ADAP1: variants seen among roughly 807,000 people sequenced by gnomAD.
ADAP1 encodes the protein ArfGAP with dual PH domains 1.
Under a neutral mutation model 54.9 loss-of-function variants are expected in ADAP1, and 31 were observed. That is an observed-to-expected ratio of 0.56 (90% confidence interval 0.42 to 0.76). The LOEUF is 0.76. ADAP1 is among the 30% of genes least tolerant of loss of function. The pLI is 0.00. For missense variants in ADAP1, 535 were observed against 512.4 expected, an observed-to-expected ratio of 1.04 and a Z score of -0.42; for synonymous variants, 313 against 202.6, an observed-to-expected ratio of 1.55 and a Z score of -4.63.
chr7:899,678 A>G (rs576378928), intron 8 of ADAP1, among the ~76,000 whole-genome samples, 188 bp from the exon 9 acceptor site: 1 of 151,476 alleles, frequency 6.6e-6, no homozygotes, highest in East Asian at 2.0e-4. Flanking sequence ...TCCACACGGC[A>G]CCTCCCTCCT....
At chr7:949,792 C>T (rs1310822680) in intron 1 of ADAP1, among the ~76,000 whole-genome samples, 4 of 127,472 alleles carry the variant, frequency 3.1e-5, no homozygotes, top group Admixed American at 1.4e-4. Context: ...CAGCCCTCCA[C>T]ACCCGGCCAC....
chr7:901,888 C>T (rs1038319066), intron 6 of ADAP1, among the ~76,000 whole-genome samples: 13 of 151,766 alleles, frequency 8.6e-5, no homozygotes, highest in African/African-American at 3.1e-4. Context: ...AGCTCCAGGT[C>T]CCCCGGAAAT....
At chr7:900,473 T>TCCCCCCCC in intron 7 of ADAP1, 60 bp downstream of exon 7, 13 of 1,486,560 alleles carry the variant, frequency 8.7e-6, no homozygotes, top group South Asian at 1.2e-5. Context: ...GAGGGCTCCG[T>TCCCCCCCC]CCACCCCCCA....
At chr7:905,279 C>CAGGGGGAG in intron 4 of ADAP1, 107 bp from the exon 5 acceptor site, 1 of 342,346 alleles carries the variant, frequency 2.9e-6, no homozygotes. Context: ...ACACGGGGGA[C>CAGGGGGAG]ACGGACGGGG....
intron 4 of ADAP1, 107 bp from the exon 5 acceptor site, chr7:905,279 CA>C: frequency 2.9e-6 from 1 of 342,348 alleles, no homozygotes; most frequent in East Asian, 6.8e-5. Context: ...ACACGGGGGA[CA>C]CGGACGGGGG....
chr7:904,275 G>A lies in ADAP1; in HGVS notation c.502-3C>T. On this transcript the variant is annotated splice_region_variant and splice_polypyrimidine_tract_variant and intron_variant, in intron 5 of 10. Transcript: ENST00000265846. ...ATCACGGCCTTGGGCTCCTTGGCCT[G>A]AGAAGGGGTGGGGTCTAAGCACCTC... 1.3e-6 allele frequency: 2 copies of A among 1,585,264 alleles called. No individual in the cohort carries two copies. The highest frequency in any genetic ancestry group is 1.7e-6 in the Non-Finnish European group (2 of 1,164,710).
At position 920,005 on chromosome 7, in the gene ADAP1, C is replaced by T. The variant is rs377128159; in HGVS notation, c.351G>A (p.Glu117=). The part of the protein sequence containing the change: ...QWIRAKYERQ[E]FIYPEKQEPY... ...GCTCCTGCTTCTCCGGGTAGATGAACTCCTGTCGCTCGTACTTGGCCCGGA... is the reference window on the plus strand; with the variant it reads ...GCTCCTGCTTCTCCGGGTAGATGAATTCCTGTCGCTCGTACTTGGCCCGGA... Residue 117 remains glutamate (E), a synonymous_variant, in exon 4 of 11, where the codon GAG becomes GAA. Coordinates refer to ENST00000265846, the MANE Select transcript of ADAP1 (RefSeq NM_006869.4). The surrounding 1 kb of genome is among the most constrained non-coding windows in gnomAD (Gnocchi z 4.5). 6.2e-7 allele frequency: 1 copy of T among 1,607,748 alleles called. No homozygotes were observed. The highest frequency in any genetic ancestry group is 1.3e-5 in the African/African-American group (1 of 74,840).
chr7:905,286 G>GGGGAGA (rs1845067418), intron 4 of ADAP1, 114 bp from the exon 5 acceptor site: 1 of 462,166 alleles, frequency 2.2e-6, no homozygotes, highest in Non-Finnish European at 3.7e-6. Flanking sequence ...GGACACGGAC[G>GGGGAGA]GGGGACACGG....
chr7:945,771 G>A lies in ADAP1; in HGVS notation c.82+8625C>T. On this transcript the variant is annotated intron_variant, in intron 1 of 10. Transcript: ENST00000265846. The surrounding 1 kb of genome is among the most constrained non-coding windows in gnomAD (Gnocchi z 4.2). ...CCCCGCTCTGCCCTACCTGCTCCCA[G>A]GACGCCCGAGGTGACTCAGCCGCTC... is the stretch of plus-strand genomic sequence containing the variant. The A allele has an allele frequency of 1.0e-6, 1 of 985,712 alleles. No individual in the cohort carries two copies. The highest frequency in any genetic ancestry group is 1.2e-6 in the Non-Finnish European group (1 of 830,068). 61.1% of individuals were successfully genotyped at this position (985,712 alleles called of 1,614,324 possible). A position where few individuals can be genotyped will look rare whatever the true frequency, so the allele number is the denominator to read the frequency against.
In ADAP1 at chr7:898,330, C is replaced by T. The variant is rs1045961934; in HGVS notation, c.*591G>A. 3.0e-5 allele frequency: 5 copies of T among 168,162 alleles called. No homozygotes were observed. Among genetic ancestry groups the T allele is most frequent in the Admixed American group, 1.1e-4 (2 of 18,148 alleles). The allele number at this position is 168,162 out of a possible 1,614,324, so 10.4% of individuals were successfully genotyped here. On this transcript the variant is annotated 3_prime_UTR_variant, in exon 11 of 11. Transcript: ENST00000265846. ...TGGTGGGACGGCAGCCTGCTGGCCCCTCCAGGTGAGGACCAGGAGCACAGG... is the reference window on the plus strand; with the variant it reads ...TGGTGGGACGGCAGCCTGCTGGCCCTTCCAGGTGAGGACCAGGAGCACAGG...
chr7:933,478 CTGG>C, intron 2 of ADAP1, among the ~76,000 whole-genome samples: 1 of 48,596 alleles, frequency 2.1e-5, no homozygotes, highest in East Asian at 6.0e-4. Context: ...GTCAGTGGTG[CTGG>C]AGAGCCGGGG....
At position 954,556 on chromosome 7, in the gene ADAP1, C is replaced by A; in HGVS notation, c.-79G>T. 1.0e-6 allele frequency: 1 copy of A among 989,472 alleles called. No individual in the cohort carries two copies. Among genetic ancestry groups the A allele is most frequent in the Non-Finnish European group, 1.2e-6 (1 of 833,920 alleles). The allele number at this position is 989,472 out of a possible 1,614,324, so 61.3% of individuals were successfully genotyped here. A position where few individuals can be genotyped will look rare whatever the true frequency, so the allele number is the denominator to read the frequency against. On this transcript the variant is annotated 5_prime_UTR_variant, in exon 1 of 11. Coordinates refer to ENST00000265846, the MANE Select transcript of ADAP1 (RefSeq NM_006869.4). ...CCGGCTCGCTAGGGCCCCGCGCAGG[C>A]CGCCCGCCGCCGCCGCCCCTGCGCC...
intron 4 of ADAP1, among the ~76,000 whole-genome samples, chr7:912,811 C>T (rs1321863237): frequency 6.6e-6 from 1 of 151,984 alleles, no homozygotes; most frequent in Non-Finnish European, 1.5e-5. Context: ...AGCTATTCTC[C>T]TGTCTCAGCC....
rs139491978 is a variant in ADAP1, at chr7:905,145, C to A, written c.416G>T (p.Arg139Leu). ...AGYREGFLWKRGRDNGQFLSR... is the reference protein window; with the variant it reads ...AGYREGFLWKLGRDNGQFLSR... Reference sequence around the variant, plus strand: ...CAAAAACTGCCCGTTGTCCCGGCCACGCTTCCAGAGAAAACCCTCACGGTA... The same window carrying A: ...CAAAAACTGCCCGTTGTCCCGGCCAAGCTTCCAGAGAAAACCCTCACGGTA... Residue 139 changes from arginine (R) to leucine (L), a missense_variant, in exon 5 of 11, where the codon CGT (arginine) becomes CTT (leucine). Physicochemically the swap from Arg to Leu is moderately radical, Grantham distance 102. Transcript: ENST00000265846. The A allele has an allele frequency of 1.5e-5, 24 of 1,612,210 alleles. No individual in the cohort carries two copies. The highest frequency in any genetic ancestry group is 2.0e-5 in the Non-Finnish European group (24 of 1,179,890).
chr7:919,918 G>C, intron 4 of ADAP1, 50 bp downstream of exon 4: 1 of 1,478,458 alleles, frequency 6.8e-7, no homozygotes, highest in Non-Finnish European at 9.2e-7. Context: ...GGGAGGGAGA[G>C]AGCCAGGGAG....
At chr7:951,204 C>G (rs1358789537) in intron 1 of ADAP1, among the ~76,000 whole-genome samples, 1 of 151,988 alleles carries the variant, frequency 6.6e-6, no homozygotes, top group African/African-American at 2.4e-5. Flanking sequence ...GAAACCCCAT[C>G]TCTACTAAAA....
Position 898,847 on chromosome 7 carries a change from G to C in ADAP1, c.*74C>G, listed in dbSNP as rs1844634223. 1.3e-6 allele frequency: 2 copies of C among 1,546,358 alleles called. No individual in the cohort carries two copies. Among genetic ancestry groups the C allele is most frequent in the Non-Finnish European group, 8.7e-7 (1 of 1,147,252 alleles). On this transcript the variant is annotated 3_prime_UTR_variant, in exon 11 of 11. Coordinates refer to ENST00000265846, the MANE Select transcript of ADAP1 (RefSeq NM_006869.4). Reference sequence around the variant, plus strand: ...GGGGCCAGGTGGCCTCAGGACGCCAGAGCCCCCCCATCCACGGGTCCCCTC... The same window carrying C: ...GGGGCCAGGTGGCCTCAGGACGCCACAGCCCCCCCATCCACGGGTCCCCTC...
chr7:909,515 C>A (rs1216881192), intron 4 of ADAP1, among the ~76,000 whole-genome samples: 4 of 152,172 alleles, frequency 2.6e-5, no homozygotes, highest in African/African-American at 7.2e-5. Context: ...TGGCCACGGT[C>A]CCGGACGCGC....
chr7:950,864 A>C (rs1168891214), intron 1 of ADAP1, among the ~76,000 whole-genome samples: 3 of 150,982 alleles, frequency 2.0e-5, no homozygotes, highest in Non-Finnish European at 4.4e-5. Context: ...CTCAAAAAAA[A>C]AAAAAAAAAA....
Sources: gnomAD v4.1 joint callset for allele counts (sites outside exome capture counted in the v4.1 genomes callset) on GRCh38, gnomAD v4.1.1 for gene constraint, Gnocchi (gnomAD v3.1) non-coding constraint, MANE v1.5 for transcripts, NCBI Gene and HGNC (gene_info 2026-07-23, HGNC 2026-07-21) for gene names.